The following CDH18 variants were observed in gnomAD, a reference collection of about 807,000 sequenced individuals.
The protein encoded by CDH18 is cadherin-18.
A neutral mutation model predicts 67.9 loss-of-function variants in CDH18; 31 were observed. The ratio of observed to expected loss-of-function variants is 0.46; its 90% confidence interval spans 0.34 to 0.62. CDH18 has a LOEUF of 0.62. Among genes scored for constraint, CDH18 ranks in the 20% least tolerant of loss-of-function variants. The probability of loss-of-function intolerance (pLI) is 0.01; values close to 1 mark genes in which losing one functional copy is unlikely to be tolerated. For synonymous variants in CDH18, 362 were observed against 347.2 expected (o/e 1.04, Z -0.48); for missense variants, 890 against 975.5 (o/e 0.91, Z 1.17).
chr5:19,629,126 T>C (rs1277895502), intron 5 of CDH18, among the ~76,000 whole-genome samples: 2 of 151,904 alleles, frequency 1.3e-5, no homozygotes, highest in Non-Finnish European at 2.9e-5. Context: ...ATGAAGAAAA[T>C]GTTACGTTAA....
intron 2 of CDH18, among the ~76,000 whole-genome samples, chr5:20,090,536 A>G (rs1226059740): frequency 2.0e-5 from 3 of 152,138 alleles, no homozygotes; most frequent in Non-Finnish European, 2.9e-5. Flanking sequence ...CTCTGTCTCA[A>G]AAACCAAAGA....
At chr5:19,578,618 A>G (rs1442835774) in intron 7 of CDH18, among the ~76,000 whole-genome samples, 1 of 150,888 alleles carries the variant, frequency 6.6e-6, no homozygotes, top group African/African-American at 2.4e-5. Flanking sequence ...TCCTTTTCTT[A>G]TTTTATTCTC....
At chr5:19,534,399 C>T (rs980528612) in intron 9 of CDH18, among the ~76,000 whole-genome samples, 10 of 152,074 alleles carry the variant, frequency 6.6e-5, no homozygotes, top group Non-Finnish European at 1.5e-5. Flanking sequence ...TTTAGCGTCA[C>T]TCATCTTATT....
chr5:19,553,527 G>T (rs1282314127), intron 8 of CDH18, among the ~76,000 whole-genome samples: 1 of 150,532 alleles, frequency 6.6e-6, no homozygotes, highest in Non-Finnish European at 1.5e-5. Context: ...TTAAGATTTT[G>T]TCACCCAAGC....
At chr5:19,870,250 T>C (rs16888160) in intron 2 of CDH18, among the ~76,000 whole-genome samples, 1,949 of 152,240 alleles carry the variant, frequency 0.013, 38 homozygotes, top group African/African-American at 0.045. Context: ...ACAGGTCATG[T>C]AATTCTTGTC....
At chr5:19,630,468 C>T (rs1279095589) in intron 5 of CDH18, among the ~76,000 whole-genome samples, 1 of 151,670 alleles carries the variant, frequency 6.6e-6, no homozygotes, top group African/African-American at 2.4e-5. Context: ...TAGCAAGGAT[C>T]CATTGGGGTG....
intron 2 of CDH18, among the ~76,000 whole-genome samples, chr5:20,000,276 G>A (rs1389292333): frequency 6.6e-6 from 1 of 152,090 alleles, no homozygotes; most frequent in Admixed American, 6.6e-5. Context: ...GCACTCTGAT[G>A]GTTGTGTTAT....
At chr5:20,225,840 T>G (rs1332640239) in intron 2 of CDH18, among the ~76,000 whole-genome samples, 1 of 152,138 alleles carries the variant, frequency 6.6e-6, no homozygotes, top group East Asian at 1.9e-4. Context: ...TGGAAACTTT[T>G]AAGCTCCAGT....
Position 19,653,398 on chromosome 5 carries a change from C to T in CDH18, c.644-40797G>A, listed in dbSNP as rs76398580. On this transcript the variant is annotated intron_variant, in intron 5 of 12. Transcript: ENST00000382275. ...TAAAAGCTGCACAGTCAAACATGGCCGAGTTCACTGTAATCACGGGTTGGT... is the reference window on the plus strand; with the variant it reads ...TAAAAGCTGCACAGTCAAACATGGCTGAGTTCACTGTAATCACGGGTTGGT... Among the ~76,000 whole-genome samples the T allele has an allele frequency of 1.6e-4, 25 of 151,772 alleles. No homozygotes were observed. In the East Asian group the frequency reaches 4.7e-3, roughly 29 times the overall value.
At chr5:20,184,730 A>G (rs1023703315) in intron 2 of CDH18, among the ~76,000 whole-genome samples, 1 of 152,094 alleles carries the variant, frequency 6.6e-6, no homozygotes, top group Non-Finnish European at 1.5e-5. Flanking sequence ...AAGGCAATCA[A>G]AGAAATACAT....
At chr5:19,678,979 G>A (rs1046606707) in intron 5 of CDH18, among the ~76,000 whole-genome samples, 1 of 151,874 alleles carries the variant, frequency 6.6e-6, no homozygotes, top group African/African-American at 2.4e-5. Context: ...ATCAAAACCA[G>A]ACAGAGACAC....
chr5:20,039,059 C>A (rs1386437587), intron 2 of CDH18, among the ~76,000 whole-genome samples: 1 of 149,332 alleles, frequency 6.7e-6, no homozygotes, highest in African/African-American at 2.4e-5. Flanking sequence ...AACAGACAAA[C>A]AGAGAGCCAA....
chr5:19,710,500 T>C (rs1028277898), intron 5 of CDH18, among the ~76,000 whole-genome samples: 1 of 152,152 alleles, frequency 6.6e-6, no homozygotes, highest in African/African-American at 2.4e-5. Context: ...CTTTGTAAAC[T>C]TGTAAACTGA....
intron 2 of CDH18, among the ~76,000 whole-genome samples, chr5:20,035,508 G>A (rs927913217): frequency 2.8e-4 from 42 of 151,992 alleles, no homozygotes; most frequent in Non-Finnish European, 5.4e-4. Flanking sequence ...GGTGGAAGGG[G>A]AAGCAGTCAC....
chr5:20,201,259 C>CTCT (rs1371531969), intron 2 of CDH18, among the ~76,000 whole-genome samples: 19 of 151,952 alleles, frequency 1.3e-4, no homozygotes, highest in Non-Finnish European at 2.5e-4. Flanking sequence ...TTCACATTTT[C>CTCT]TCTTCTTCTT....
intron 2 of CDH18, among the ~76,000 whole-genome samples, chr5:19,848,630 A>G (rs140791037): frequency 6.6e-6 from 1 of 152,004 alleles, no homozygotes; most frequent in Non-Finnish European, 1.5e-5. Flanking sequence ...GAAGTGTATA[A>G]CATAAAATGA....
intron 1 of CDH18, among the ~76,000 whole-genome samples, chr5:20,518,547 C>T (rs2126511434): frequency 6.6e-6 from 1 of 152,276 alleles, no homozygotes; most frequent in African/African-American, 2.4e-5. Flanking sequence ...AGGAAGATGT[C>T]TGCCTGACAC....
intron 2 of CDH18, among the ~76,000 whole-genome samples, chr5:19,892,964 G>A (rs1165235410): frequency 6.6e-6 from 1 of 152,130 alleles, no homozygotes; most frequent in African/African-American, 2.4e-5. Context: ...CAGTGCCATG[G>A]CCTAAATGCT....
In CDH18 at chr5:19,800,736, C is replaced by T. The variant is rs552665008; in HGVS notation, c.228+38023G>A. 2.0e-5 allele frequency among the ~76,000 whole-genome samples: 3 copies of T among 152,152 alleles called. No homozygotes were observed. In the East Asian group the frequency reaches 5.8e-4, roughly 29 times the overall value. On this transcript the variant is annotated intron_variant, in intron 3 of 12. Coordinates refer to ENST00000382275, the MANE Select transcript of CDH18 (RefSeq NM_004934.5). Reference sequence around the variant, plus strand: ...ATAGACTCTGGTTAAAACAAAAATACTAAACTATTATAGGTTGGTTTTTAT... The same window carrying T: ...ATAGACTCTGGTTAAAACAAAAATATTAAACTATTATAGGTTGGTTTTTAT...
Sources: allele counts gnomAD v4.1 joint callset (sites outside exome capture counted in the v4.1 genomes callset), GRCh38; gene constraint gnomAD v4.1.1; transcripts MANE v1.5; gene names NCBI Gene and HGNC (gene_info 2026-07-23, HGNC 2026-07-21).